The following NRCAM variants were observed in gnomAD, a reference collection of about 807,000 sequenced individuals.
NRCAM encodes the protein NgCAM-related cell adhesion molecule.
A neutral mutation model predicts 156.5 loss-of-function variants in NRCAM; 83 were observed. The ratio of observed to expected loss-of-function variants is 0.53; its 90% CI spans 0.44 to 0.64. The LOEUF (loss-of-function observed/expected upper bound fraction) is 0.64, where lower values mean the gene tolerates loss of function less well. Among genes scored for constraint, NRCAM ranks in the 30% least tolerant of loss-of-function variants. NRCAM has a pLI of 0.00. For missense variants in NRCAM, 1,417 were observed against 1,597.3 expected, an observed-to-expected ratio of 0.89 and a Z score of 1.92; for synonymous variants, 538 against 563.9, an observed-to-expected ratio of 0.95 and a Z score of 0.65.
chr7:108,411,350 C>T (rs1795113619), intron 1 of NRCAM, among the ~76,000 whole-genome samples: 1 of 152,104 alleles, frequency 6.6e-6, no homozygotes, highest in African/African-American at 2.4e-5. Context: ...CAGGAGCTAA[C>T]AGGATAAAAA....
intron 2 of NRCAM, among the ~76,000 whole-genome samples, chr7:108,374,432 G>C (rs2099655538): frequency 6.6e-6 from 1 of 151,884 alleles, no homozygotes; most frequent in African/African-American, 2.4e-5. Flanking sequence ...GTTTAATGTA[G>C]TAATACCTGG....
intron 3 of NRCAM, among the ~76,000 whole-genome samples, chr7:108,259,377 G>A (rs1171712149): frequency 5.9e-5 from 9 of 152,184 alleles, no homozygotes; most frequent in African/African-American, 1.4e-4. Flanking sequence ...AAACAGGAAC[G>A]CTCTGACACT....
At chr7:108,200,235 C>G (rs1023499054) in intron 13 of NRCAM, among the ~76,000 whole-genome samples, 1 of 152,188 alleles carries the variant, frequency 6.6e-6, no homozygotes, top group African/African-American at 2.4e-5. Flanking sequence ...CCTTAAGGAA[C>G]ATGTTCTTCC....
At chr7:108,235,833 T>A (rs554195019) in intron 5 of NRCAM, among the ~76,000 whole-genome samples, 45 of 152,196 alleles carry the variant, frequency 3.0e-4, no homozygotes, top group African/African-American at 1.0e-3. Flanking sequence ...GTCTCAAACA[T>A]CCATAGTGCT....
At position 108,194,189 on chromosome 7, in the gene NRCAM, C is replaced by T. The variant is rs369061373; in HGVS notation, c.1631-18G>A. 252 of 1,612,824 alleles carry T rather than the reference C, an allele frequency of 1.6e-4. No individual in the cohort carries two copies. The highest frequency in any genetic ancestry group is 1.9e-4 in the African/African-American group (14 of 74,910). ...TGTAGGATCTGAAATGTAGAGTCAT[C>T]GTTATCCATTTGGCAAAGCTGGAGA... On this transcript the variant is annotated intron_variant, in intron 16 of 32. Coordinates refer to ENST00000379028, the MANE Select transcript of NRCAM (RefSeq NM_001037132.4).
At chr7:108,291,706 G>T (rs563515112) in intron 3 of NRCAM, among the ~76,000 whole-genome samples, 1 of 152,102 alleles carries the variant, frequency 6.6e-6, no homozygotes, top group Non-Finnish European at 1.5e-5. Flanking sequence ...GAGACAGAGC[G>T]ACAGAGAGAG....
At chr7:108,353,698 T>C (rs1338957930) in intron 2 of NRCAM, among the ~76,000 whole-genome samples, 1 of 152,270 alleles carries the variant, frequency 6.6e-6, no homozygotes, top group East Asian at 1.9e-4. Flanking sequence ...AGACCTCTTC[T>C]TATTTTATGC....
At chr7:108,416,925 T>C (rs575089757) in intron 1 of NRCAM, among the ~76,000 whole-genome samples, 20 of 152,334 alleles carry the variant, frequency 1.3e-4, no homozygotes, top group African/African-American at 4.6e-4. Context: ...CCATTTCAGA[T>C]CCATGCTGTT....
At chr7:108,205,898 T>C (rs1254290096) in intron 13 of NRCAM, among the ~76,000 whole-genome samples, 1 of 152,162 alleles carries the variant, frequency 6.6e-6, no homozygotes, top group Non-Finnish European at 1.5e-5. Flanking sequence ...ACTTTTTTAG[T>C]TCTAGGCTTT....
intron 32 of NRCAM, among the ~76,000 whole-genome samples, chr7:108,152,022 C>T (rs573249461): frequency 9.2e-5 from 14 of 152,172 alleles, no homozygotes; most frequent in African/African-American, 3.4e-4. Flanking sequence ...AGATTGTTCT[C>T]GGCACTGGGA....
chr7:108,423,667 C>CTT (rs1313514778), intron 1 of NRCAM, among the ~76,000 whole-genome samples: 2 of 152,168 alleles, frequency 1.3e-5, no homozygotes, highest in Non-Finnish European at 2.9e-5. Context: ...AAGCTCTGAA[C>CTT]TTCATTTTTG....
chr7:108,238,103 A>G (rs1562891908), intron 4 of NRCAM, among the ~76,000 whole-genome samples: 1 of 152,210 alleles, frequency 6.6e-6, no homozygotes, highest in Non-Finnish European at 1.5e-5. Flanking sequence ...TTCAATTTGA[A>G]AAACAGCTGA....
At chr7:108,224,451 A>G (rs1484786902) in intron 10 of NRCAM, among the ~76,000 whole-genome samples, 1 of 152,026 alleles carries the variant, frequency 6.6e-6, no homozygotes, top group Non-Finnish European at 1.5e-5. Flanking sequence ...AATGGAAATC[A>G]TTTTCCTCAA....
At chr7:108,161,099 C>G (rs2048659766) in intron 30 of NRCAM, among the ~76,000 whole-genome samples, 1 of 152,212 alleles carries the variant, frequency 6.6e-6, no homozygotes, top group East Asian at 1.9e-4. Context: ...ATTTGTTATT[C>G]ATCTCATTCA....
intron 3 of NRCAM, among the ~76,000 whole-genome samples, chr7:108,273,736 CTTTAG>C (rs2097474471): frequency 6.6e-6 from 1 of 152,162 alleles, no homozygotes. Flanking sequence ...TGCAGAAGCT[CTTTAG>C]TTTAATTAGA....
At chr7:108,348,510 T>A (rs1007290156) in intron 2 of NRCAM, among the ~76,000 whole-genome samples, 4 of 152,068 alleles carry the variant, frequency 2.6e-5, no homozygotes, top group South Asian at 2.1e-4. Flanking sequence ...TAGGGAACAG[T>A]GTGCTGCAGG....
intron 2 of NRCAM, among the ~76,000 whole-genome samples, chr7:108,341,991 T>G (rs998754342): frequency 2.0e-5 from 3 of 152,194 alleles, no homozygotes; most frequent in Non-Finnish European, 1.5e-5. Context: ...TTTTTCTGCA[T>G]CCCTGTACAT....
At chr7:108,358,462 A>T (rs918061120) in intron 2 of NRCAM, among the ~76,000 whole-genome samples, 2 of 148,078 alleles carry the variant, frequency 1.4e-5, no homozygotes, top group African/African-American at 5.0e-5. Flanking sequence ...ATTCCTACGT[A>T]TTTTTTTTTT....
At chr7:108,186,389 T>C (rs2153395949) in intron 20 of NRCAM, among the ~76,000 whole-genome samples, 1 of 152,308 alleles carries the variant, frequency 6.6e-6, no homozygotes, top group East Asian at 1.9e-4. Flanking sequence ...AATTCTAATC[T>C]TCCTCTCCAA....
Sources: allele counts gnomAD v4.1 joint callset (sites outside exome capture counted in the v4.1 genomes callset), GRCh38; gene constraint gnomAD v4.1.1; transcripts MANE v1.5; gene names NCBI Gene and HGNC (gene_info 2026-07-23, HGNC 2026-07-21).